The following MGLL variants were observed in gnomAD, a reference collection of about 807,000 sequenced individuals.
MGLL encodes the protein monoglyceride lipase.
Under a neutral mutation model 29.1 loss-of-function variants are expected in MGLL, and 7 were observed. The ratio of observed to expected loss-of-function variants is 0.24; its 90% CI spans 0.14 to 0.45. The LOEUF is 0.45. Ranked by LOEUF, MGLL falls within the 20% of genes least tolerant of loss-of-function variation. The pLI is 0.99. For synonymous variants in MGLL, 148 were observed against 168.3 expected (o/e 0.88, Z 0.93); for missense variants, 356 against 413.6 (o/e 0.86, Z 1.21).
At position 127,783,311 on chromosome 3, in the gene MGLL, G is replaced by A. The variant is rs186636517; in HGVS notation, c.156-1416C>T. ...GAGTCAGGACAGACGCTGCCTCGGC[G>A]GAGGCTCCCAGTGCCTGATCTGGCA... is the stretch of plus-strand genomic sequence containing the variant. On this transcript the variant is annotated intron_variant, in intron 2 of 7. Coordinates refer to ENST00000265052, the MANE Select transcript of MGLL (RefSeq NM_007283.7). 5.4e-3 allele frequency among the ~76,000 whole-genome samples: 824 copies of A among 152,232 alleles called. 3 individuals carry two copies. The highest frequency in any genetic ancestry group is 0.018 in the African/African-American group (760 of 41,520).
chr3:127,761,030 C>T lies in MGLL; in HGVS notation c.262+20759G>A, dbSNP rs1200062431. Among the ~76,000 whole-genome samples, 1 of 152,254 alleles carries T rather than the reference C, an allele frequency of 6.6e-6. No individual in the cohort carries two copies. Among genetic ancestry groups the T allele is most frequent in the Non-Finnish European group, 1.5e-5 (1 of 68,046 alleles). On this transcript the variant is annotated intron_variant, in intron 3 of 7. Transcript: ENST00000265052. The surrounding 1 kb of genome is among the most constrained non-coding windows in gnomAD (Gnocchi z 4.6). Reference sequence around the variant, plus strand: ...CAGGCCAAATTCATACCCACACATACAGGATTCACAAGTGTGAACTTGAGC... The same window carrying T: ...CAGGCCAAATTCATACCCACACATATAGGATTCACAAGTGTGAACTTGAGC...
chr3:127,736,390 G>A, intron 3 of MGLL: 1 of 970,458 alleles, frequency 1.0e-6, no homozygotes, highest in Non-Finnish European at 1.2e-6. Context: ...AGTTGGGTCA[G>A]CGAAAAAGAG....
chr3:127,707,089 T>C (rs1420784759), intron 6 of MGLL, among the ~76,000 whole-genome samples: 1 of 152,136 alleles, frequency 6.6e-6, no homozygotes, highest in East Asian at 1.9e-4. Context: ...ACTCAGCATA[T>C]GGCCTGCCTG....
chr3:127,737,630 C>CTTTTTTTTTTTTT lies in MGLL; in HGVS notation c.263-15077_263-15065dup, dbSNP rs774965066. Among the ~76,000 whole-genome samples the CTTTTTTTTTTTTT allele has an allele frequency of 4.5e-3, 309 of 68,590 alleles. 45 individuals are homozygous for CTTTTTTTTTTTTT. The highest frequency in any genetic ancestry group is 9.9e-3 in the East Asian group (18 of 1,816). 45.0% of individuals were successfully genotyped at this position (68,590 alleles called of 152,430 possible). ...GACACAGTGAAATCATCAACTGCTT[C>CTTTTTTTTTTTTT]TTTTTTTTTTTTTTTTTTTTTTTTT... On this transcript the variant is annotated intron_variant, in intron 3 of 7. Coordinates refer to ENST00000265052, the MANE Select transcript of MGLL (RefSeq NM_007283.7).
At chr3:127,781,352 T>C (rs917940287) in intron 3 of MGLL, among the ~76,000 whole-genome samples, 6 of 152,212 alleles carry the variant, frequency 3.9e-5, no homozygotes, top group African/African-American at 1.4e-4. Context: ...CAATATGGCC[T>C]GTTGAGGCTT....
chr3:127,693,999 A>C (rs151224764), intron 7 of MGLL, among the ~76,000 whole-genome samples: 2 of 149,688 alleles, frequency 1.3e-5, no homozygotes, highest in Admixed American at 6.6e-5. Context: ...TTGCTGGGTG[A>C]GGTGGCTCAC....
intron 3 of MGLL, among the ~76,000 whole-genome samples, chr3:127,753,204 A>T (rs2076591016): frequency 6.6e-6 from 1 of 152,220 alleles, no homozygotes; most frequent in Admixed American, 6.5e-5. Context: ...CCTCCCCAGC[A>T]TCTCTAGGAG....
At chr3:127,782,015 G>GT in intron 2 of MGLL, 120 bp from the exon 3 acceptor site, 1 of 860,972 alleles carries the variant, frequency 1.2e-6, no homozygotes, top group Non-Finnish European at 1.9e-6. Context: ...GAGCTCAGGA[G>GT]TTTGAGACCA....
chr3:127,751,731 G>A (rs2076562338), intron 3 of MGLL, among the ~76,000 whole-genome samples: 1 of 151,874 alleles, frequency 6.6e-6, no homozygotes, highest in Non-Finnish European at 1.5e-5. Context: ...TGTCACAGAT[G>A]TACCTGGGCA....
intron 2 of MGLL, among the ~76,000 whole-genome samples, chr3:127,796,650 A>C (rs554748299): frequency 3.3e-5 from 5 of 152,306 alleles, no homozygotes; most frequent in African/African-American, 1.2e-4. Flanking sequence ...CAAAACAGTG[A>C]TGTACTGCAG....
chr3:127,749,882 C>G (rs2076524653), intron 3 of MGLL, among the ~76,000 whole-genome samples: 3 of 152,146 alleles, frequency 2.0e-5, no homozygotes, highest in African/African-American at 7.2e-5. Context: ...CAGAGCAAGC[C>G]ATTCAGACAT....
chr3:127,822,464 G>T lies in MGLL; in HGVS notation c.-146C>A. ...CCCGCACCCAGACCCTGCCTTTCGG[G>T]CTGGGGCGCTCAGCCGGGAGCCTGC... On this transcript the variant is annotated 5_prime_UTR_variant, in exon 1 of 8. Coordinates refer to ENST00000265052, the MANE Select transcript of MGLL (RefSeq NM_007283.7). 3 of 814,974 alleles carry T rather than the reference G, an allele frequency of 3.7e-6. No individual in the cohort carries two copies. Among genetic ancestry groups the T allele is most frequent in the Non-Finnish European group, 4.1e-6 (2 of 493,404 alleles). The allele number at this position is 814,974 out of a possible 1,614,324, so 50.5% of individuals were successfully genotyped here.
chr3:127,715,633 A>C (rs556898484), intron 5 of MGLL: 1 of 455,916 alleles, frequency 2.2e-6, no homozygotes. Context: ...TAAGCAGAGG[A>C]AGTGGGTTGA....
intron 3 of MGLL, among the ~76,000 whole-genome samples, chr3:127,778,920 T>TA (rs1418392113): frequency 4.0e-5 from 6 of 151,810 alleles, no homozygotes; most frequent in African/African-American, 9.7e-5. Context: ...CCCAGCTAAT[T>TA]AAAAAAAATT....
chr3:127,767,789 T>C (rs1161495527), intron 3 of MGLL, among the ~76,000 whole-genome samples: 1 of 152,224 alleles, frequency 6.6e-6, no homozygotes, highest in Non-Finnish European at 1.5e-5. Context: ...TTCAAACACT[T>C]TTCAGTACAT....
intron 3 of MGLL, among the ~76,000 whole-genome samples, chr3:127,770,405 C>T (rs989150747): frequency 1.6e-4 from 24 of 152,130 alleles, no homozygotes; most frequent in African/African-American, 5.6e-4. Flanking sequence ...CTGAATGGCC[C>T]TGCATAAGGT....
intron 7 of MGLL, among the ~76,000 whole-genome samples, chr3:127,693,890 G>T (rs1034136627): frequency 6.6e-6 from 1 of 152,160 alleles, no homozygotes; most frequent in Admixed American, 6.5e-5. Context: ...GACTCCTTTC[G>T]CAGGGACTTG....
At chr3:127,772,277 C>T (rs1330297225) in intron 3 of MGLL, among the ~76,000 whole-genome samples, 1 of 152,186 alleles carries the variant, frequency 6.6e-6, no homozygotes, top group Non-Finnish European at 1.5e-5. Flanking sequence ...GCCCCGCTCC[C>T]CCAACCTCTA....
intron 2 of MGLL, among the ~76,000 whole-genome samples, chr3:127,802,242 C>T (rs1295819304): frequency 1.3e-5 from 2 of 152,136 alleles, no homozygotes; most frequent in Non-Finnish European, 2.9e-5. Context: ...ATACTAGGTT[C>T]AAGAGTTTGG....
Sources: allele counts gnomAD v4.1 joint callset (sites outside exome capture counted in the v4.1 genomes callset), GRCh38; gene constraint gnomAD v4.1.1; non-coding constraint Gnocchi (gnomAD v3.1); transcripts MANE v1.5; gene names NCBI Gene and HGNC (gene_info 2026-07-23, HGNC 2026-07-21).